The following DDO variants were observed in gnomAD, a reference collection of about 807,000 sequenced individuals.
DDO encodes D-aspartate oxidase, also known as D-aspartate oxidase, DDO.
Under a neutral mutation model 16.8 loss-of-function variants are expected in DDO, and 16 were observed. The observed-to-expected ratio is 0.95, with a 90% CI of 0.65 to 1.45. The LOEUF (loss-of-function observed/expected upper bound fraction) is 1.45. Among genes scored for constraint, DDO ranks in the 40% most tolerant of loss-of-function variants. The pLI, the probability that DDO is intolerant of heterozygous loss-of-function variation, is 0.00. For synonymous variants in DDO, 180 were observed against 167.2 expected, an observed-to-expected ratio of 1.08 and a Z score of -0.59; for missense variants, 429 against 420.3, an observed-to-expected ratio of 1.02 and a Z score of -0.18.
chr6:110,412,234 A>G (rs1773883234), intron 2 of DDO, among the ~76,000 whole-genome samples: 1 of 149,598 alleles, frequency 6.7e-6, no homozygotes, highest in African/African-American at 2.5e-5. Context: ...AGCCTGGGTG[A>G]CAGGGCAAGA....
At chr6:110,413,516 A>T in intron 1 of DDO, 50 bp from the exon 2 acceptor site, 1 of 1,582,698 alleles carries the variant, frequency 6.3e-7, no homozygotes, top group Non-Finnish European at 8.6e-7. Flanking sequence ...GGATTTTCCC[A>T]TCCAGACAAA....
At chr6:110,406,367 T>C (rs947671838) in intron 3 of DDO, among the ~76,000 whole-genome samples, 3 of 152,134 alleles carry the variant, frequency 2.0e-5, no homozygotes, top group African/African-American at 7.2e-5. Flanking sequence ...ATGCAGGTGC[T>C]AATGCCAGAA....
rs1773109842 is a variant in DDO at position 110,391,867 on chromosome 6, T to A, written c.*908A>T. On this transcript the variant is annotated 3_prime_UTR_variant, in exon 5 of 5. Coordinates refer to ENST00000368924, the MANE Select transcript of DDO (RefSeq NM_001372108.2). ...CTTCTTAACAAACTGCGGAGTACTC[T>A]GATTATATTTCATTCAGAATGATTG... The A allele has an allele frequency of 6.6e-6, 1 of 152,238 alleles. No individual in the cohort carries two copies. The highest frequency in any genetic ancestry group is 2.4e-5 in the African/African-American group (1 of 41,460). 9.4% of individuals were successfully genotyped at this position (152,238 alleles called of 1,614,324 possible).
chr6:110,403,397 T>C (rs1012886134), intron 4 of DDO, among the ~76,000 whole-genome samples: 11 of 152,154 alleles, frequency 7.2e-5, no homozygotes, highest in African/African-American at 2.2e-4. Context: ...CTACACACTA[T>C]TGCCACTCAG....
downstream of DDO, among the ~76,000 whole-genome samples, chr6:110,389,885 T>C (rs1773071734): frequency 1.3e-5 from 2 of 152,216 alleles, no homozygotes; most frequent in Non-Finnish European, 2.9e-5. Flanking sequence ...GTGTTGTTTA[T>C]TGTAGATAAG....
At chr6:110,406,664 C>T (rs960493219) in intron 3 of DDO, among the ~76,000 whole-genome samples, 1 of 152,220 alleles carries the variant, frequency 6.6e-6, no homozygotes, top group African/African-American at 2.4e-5. Context: ...ACACCACAGT[C>T]GCCCTAGACT....
chr6:110,414,460 G>A (rs1200605095), intron 1 of DDO, among the ~76,000 whole-genome samples: 1 of 152,236 alleles, frequency 6.6e-6, no homozygotes, highest in Non-Finnish European at 1.5e-5. Context: ...CATAAAGGGG[G>A]CTCCTTGGGA....
At chr6:110,409,008 G>A (rs1196599514) in intron 2 of DDO, among the ~76,000 whole-genome samples, 3 of 152,168 alleles carry the variant, frequency 2.0e-5, no homozygotes, top group Non-Finnish European at 4.4e-5. Flanking sequence ...TGCTGGAGGC[G>A]AGCCCCCTGC....
At chr6:110,403,526 G>A (rs1773551401) in intron 4 of DDO, among the ~76,000 whole-genome samples, 1 of 152,204 alleles carries the variant, frequency 6.6e-6, no homozygotes, top group Non-Finnish European at 1.5e-5. Context: ...CATATGAACA[G>A]TGGTTTATGG....
chr6:110,415,126 G>A (rs1244576879), intron 1 of DDO, among the ~76,000 whole-genome samples: 2 of 152,250 alleles, frequency 1.3e-5, no homozygotes, highest in Non-Finnish European at 2.9e-5. Flanking sequence ...CCAGGGCTGA[G>A]GGAAGAGAAG....
intron 4 of DDO, among the ~76,000 whole-genome samples, chr6:110,398,459 C>T (rs967409794): frequency 2.6e-5 from 4 of 151,286 alleles, no homozygotes; most frequent in Non-Finnish European, 4.4e-5. Flanking sequence ...CCCCTCATCC[C>T]CTCTCTGCTC....
chr6:110,400,725 A>G (rs1005132930), intron 4 of DDO, among the ~76,000 whole-genome samples: 3 of 152,266 alleles, frequency 2.0e-5, no homozygotes, highest in Non-Finnish European at 4.4e-5. Flanking sequence ...TGGGCCCGAG[A>G]AAGTTTGTGA....
At chr6:110,410,277 G>A (rs1421148720) in intron 2 of DDO, among the ~76,000 whole-genome samples, 2 of 152,212 alleles carry the variant, frequency 1.3e-5, no homozygotes, top group Non-Finnish European at 2.9e-5. Context: ...GGCCCTATGA[G>A]CCCTCAGATG....
intron 2 of DDO, 30 bp downstream of exon 2, chr6:110,413,261 G>A: frequency 6.2e-7 from 1 of 1,606,850 alleles, no homozygotes; most frequent in Non-Finnish European, 8.5e-7. Flanking sequence ...GACATCTATT[G>A]TATCTGATAG....
intron 1 of DDO, among the ~76,000 whole-genome samples, chr6:110,415,108 T>G (rs1214119084): frequency 6.6e-6 from 1 of 152,096 alleles, no homozygotes; most frequent in South Asian, 2.1e-4. Flanking sequence ...TGAGAGAGAG[T>G]GGGCCTGCCA....
chr6:110,395,689 A>G (rs1773266870), intron 4 of DDO, among the ~76,000 whole-genome samples: 1 of 152,158 alleles, frequency 6.6e-6, no homozygotes, highest in Admixed American at 6.5e-5. Flanking sequence ...GAAAATAATA[A>G]AAAAGACAGA....
rs78967671 is a variant in DDO, at chr6:110,400,766, C to T, written c.458+4008G>A. ...CGCTTCACACCGCCTTCCCTGATTA[C>T]CCATAAGCTCAAGGCTATCACTAGG... is the stretch of plus-strand genomic sequence containing the variant. On this transcript the variant is annotated intron_variant, in intron 4 of 4. Transcript: ENST00000368924. Among the ~76,000 whole-genome samples, 749 of 152,362 alleles carry T rather than the reference C, an allele frequency of 4.9e-3. 5 individuals carry two copies. Among genetic ancestry groups the T allele is most frequent in the African/African-American group, 0.017 (727 of 41,574 alleles).
intron 4 of DDO, among the ~76,000 whole-genome samples, chr6:110,400,306 G>A (rs182813351): frequency 5.7e-4 from 87 of 151,648 alleles, no homozygotes; most frequent in Admixed American, 1.6e-3. Flanking sequence ...ACTCTCTCTC[G>A]GAGTAGTGGG....
At chr6:110,401,424 T>A (rs1258513179) in intron 4 of DDO, among the ~76,000 whole-genome samples, 2 of 148,706 alleles carry the variant, frequency 1.3e-5, no homozygotes, top group East Asian at 2.0e-4. Context: ...AAATTTGGGG[T>A]GTGTGGAATT....
Sources: gnomAD v4.1 joint callset for allele counts (sites outside exome capture counted in the v4.1 genomes callset) on GRCh38, gnomAD v4.1.1 for gene constraint, MANE v1.5 for transcripts, NCBI Gene and HGNC (gene_info 2026-07-23, HGNC 2026-07-21) for gene names.